Variants in ITGAE observed in about 807,000 individuals in gnomAD.
ITGAE encodes the protein integrin alpha-E.
Under a neutral mutation model 136.5 loss-of-function variants are expected in ITGAE, and 99 were observed. The observed-to-expected ratio is 0.73, with a 90% CI of 0.62 to 0.86. ITGAE has a LOEUF of 0.86. Ranked by LOEUF, ITGAE falls within the 40% of genes least tolerant of loss-of-function variation. The probability of loss-of-function intolerance (pLI) is 0.00; values close to 1 mark genes in which losing one functional copy is unlikely to be tolerated. For synonymous variants in ITGAE, 613 were observed against 591.8 expected, an observed-to-expected ratio of 1.04 and a Z score of -0.52; for missense variants, 1,447 against 1,515.3, an observed-to-expected ratio of 0.95 and a Z score of 0.75.
At chr17:3,787,242 G>A (rs1209729536) in intron 1 of ITGAE, among the ~76,000 whole-genome samples, 1 of 151,704 alleles carries the variant, frequency 6.6e-6, no homozygotes, top group Non-Finnish European at 1.5e-5. Flanking sequence ...CTCCCAAGTA[G>A]CTGGGATTAC....
chr17:3,749,199 C>T (rs1418724603), intron 16 of ITGAE, among the ~76,000 whole-genome samples: 3 of 148,174 alleles, frequency 2.0e-5, no homozygotes, highest in African/African-American at 7.5e-5. Flanking sequence ...GACAGAAAGC[C>T]TGAGGGCAGG....
rs1488696107 is a variant in ITGAE, at chr17:3,760,256, T to C, written c.630A>G (p.Ser210=). 2 of 1,613,692 alleles carry C rather than the reference T, an allele frequency of 1.2e-6. No homozygotes were observed. Among genetic ancestry groups the C allele is most frequent in the Admixed American group, 1.7e-5 (1 of 59,982 alleles). The change falls in exon 7 of 31, where the codon TCA becomes TCG. Residue 210 remains serine, a synonymous_variant. Transcript: ENST00000263087. ...GTEIAIILDG[S]GSIDPPDFQR... ...GAAAGTCTGGGGGATCAATGCTTCC[T>C]GAGCCATCCAGGATGATGGCAATCT... is the stretch of plus-strand genomic sequence containing the variant.
Position 3,759,793 on chromosome 17 carries a change from G to C in ITGAE, c.715-240C>G, listed in dbSNP as rs576793779. Reference sequence around the variant, plus strand: ...CCTGTGTAGTGCCCTCCATACTGACGATGGGATTGGTCATGTGACTGGCTT... The same window carrying C: ...CCTGTGTAGTGCCCTCCATACTGACCATGGGATTGGTCATGTGACTGGCTT... On this transcript the variant is annotated intron_variant, in intron 7 of 30. Transcript: ENST00000263087. Among the ~76,000 whole-genome samples, 5 of 152,274 alleles carry C rather than the reference G, an allele frequency of 3.3e-5. No individual in the cohort carries two copies. The East Asian group carries it at 9.7e-4, about 29-fold the overall frequency.
chr17:3,715,388 A>G (rs1459355806), intron 30 of ITGAE, among the ~76,000 whole-genome samples: 2 of 152,164 alleles, frequency 1.3e-5, no homozygotes, highest in Non-Finnish European at 2.9e-5. Flanking sequence ...GGGTTTCTAG[A>G]AGGGAGCTCA....
chr17:3,714,798 C>T lies in ITGAE; in HGVS notation c.*49G>A. 1 of 1,051,936 alleles carries T rather than the reference C, an allele frequency of 9.5e-7. No individual in the cohort carries two copies. Among genetic ancestry groups the T allele is most frequent in the Middle Eastern group, 2.0e-4 (1 of 4,960 alleles). The allele number at this position is 1,051,936 out of a possible 1,614,324, so 65.2% of individuals were successfully genotyped here. ...AAAAGTAATGCAAAGGATGCTGGGT[C>T]TCCAAGTCCCAGGACTGGCTGATAG... On this transcript the variant is annotated 3_prime_UTR_variant, in exon 31 of 31. Coordinates refer to ENST00000263087, the MANE Select transcript of ITGAE (RefSeq NM_002208.5).
chr17:3,724,869 G>C (rs771696710), intron 26 of ITGAE: 2 of 1,613,826 alleles, frequency 1.2e-6, no homozygotes, highest in Admixed American at 3.3e-5. Context: ...CGTCCGGAGA[G>C]AGCATCAGGA....
chr17:3,733,897 C>G (rs926330472), intron 21 of ITGAE, among the ~76,000 whole-genome samples: 1 of 152,186 alleles, frequency 6.6e-6, no homozygotes, highest in Non-Finnish European at 1.5e-5. Flanking sequence ...ACCCAGGGCC[C>G]GCTTCCTGGG....
chr17:3,729,038 T>C (rs2051281409), intron 24 of ITGAE, among the ~76,000 whole-genome samples: 1 of 117,484 alleles, frequency 8.5e-6, no homozygotes. Flanking sequence ...TTCGTCTCAG[T>C]TTAAAAAAAA....
intron 2 of ITGAE, among the ~76,000 whole-genome samples, chr17:3,768,952 G>T (rs535061431): frequency 1.3e-5 from 2 of 152,168 alleles, no homozygotes; most frequent in African/African-American, 2.4e-5. Flanking sequence ...GCTGAGGGGC[G>T]GAGGGCTGGG....
intron 1 of ITGAE, among the ~76,000 whole-genome samples, chr17:3,789,521 G>A (rs1454997435): frequency 2.7e-5 from 3 of 112,094 alleles, no homozygotes; most frequent in African/African-American, 6.8e-5. Flanking sequence ...TGTTTTTTGA[G>A]ATGGAGTCTC....
At chr17:3,772,184 G>C (rs1265160480) in intron 2 of ITGAE, among the ~76,000 whole-genome samples, 2 of 152,122 alleles carry the variant, frequency 1.3e-5, no homozygotes. Flanking sequence ...GCAAATCCTA[G>C]TAGACGCTGA....
In ITGAE at chr17:3,751,843, C is replaced by T. The variant is rs2051878863; in HGVS notation, c.1700G>A (p.Ser567Asn). The change falls in exon 15 of 31, where the codon AGT becomes AAT. Residue 567 changes from serine (S) to asparagine (N), a missense_variant. Transcript: ENST00000263087. Reference sequence around the variant, plus strand: ...GGCATTGGTGAACCCGGGGTGCCCACTCAGTATGCGTGCCAAGGAGAAAGA... The same window carrying T: ...GGCATTGGTGAACCCGGGGTGCCCATTCAGTATGCGTGCCAAGGAGAAAGA... ...DGSFSLARIL[S>N]GHPGFTNARF... The T allele has an allele frequency of 1.2e-6, 2 of 1,614,106 alleles. No individual in the cohort carries two copies. Among genetic ancestry groups the T allele is most frequent in the African/African-American group, 1.3e-5 (1 of 75,034 alleles).
At chr17:3,761,336 G>A in intron 5 of ITGAE, 67 bp downstream of exon 5, 3 of 1,547,934 alleles carry the variant, frequency 1.9e-6, no homozygotes, top group South Asian at 1.2e-5. Flanking sequence ...GTGAGCTGGT[G>A]CCTTTTCTTG....
intron 26 of ITGAE, chr17:3,724,986 C>G: frequency 6.2e-7 from 1 of 1,614,168 alleles, no homozygotes; most frequent in South Asian, 1.1e-5. Flanking sequence ...AACCTCTCTC[C>G]TCCATTCCCA....
intron 1 of ITGAE, among the ~76,000 whole-genome samples, chr17:3,783,786 G>A (rs1202360030): frequency 6.6e-6 from 1 of 152,170 alleles, no homozygotes; most frequent in Non-Finnish European, 1.5e-5. Context: ...GGAGATATAT[G>A]CACACAAATA....
rs2051760485 is a variant in ITGAE at position 3,748,034 on chromosome 17, G to A, written c.2043C>T (p.Arg681=). The A allele has an allele frequency of 6.2e-7, 1 of 1,612,148 alleles. No homozygotes were observed. Among genetic ancestry groups the A allele is most frequent in the Non-Finnish European group, 8.5e-7 (1 of 1,178,908 alleles). Residue 681 remains arginine, a synonymous_variant, in exon 17 of 31, where the codon CGC becomes CGT. Transcript: ENST00000263087. ...AVVFRSRPVV[R]LKVSMAFTPS... is the part of the protein sequence containing the mutation. ...GGGTGAAGGCCATGGAGACCTTCAG[G>A]CGAACCACAGGCCGGGAGCTAAACA...
chr17:3,727,311 T>A (rs1019759769), intron 26 of ITGAE, among the ~76,000 whole-genome samples: 3 of 151,990 alleles, frequency 2.0e-5, no homozygotes, highest in Non-Finnish European at 4.4e-5. Flanking sequence ...GTGTAAGAAA[T>A]GTCACATGTT....
intron 1 of ITGAE, among the ~76,000 whole-genome samples, chr17:3,795,916 C>CGT (rs758464284): frequency 8.9e-6 from 1 of 112,258 alleles, no homozygotes; most frequent in African/African-American, 3.8e-5. Context: ...TATGCGCATC[C>CGT]GTGTGTGTGC....
At position 3,727,937 on chromosome 17, in the gene ITGAE, C is replaced by T. The variant is rs750042506; in HGVS notation, c.3066G>A (p.Lys1022=). The T allele has an allele frequency of 1.9e-6, 3 of 1,613,140 alleles. No individual in the cohort carries two copies. The highest frequency in any genetic ancestry group is 8.5e-7 in the Non-Finnish European group (1 of 1,179,080). The change falls in exon 26 of 31, where the codon AAG becomes AAA. Residue 1022 remains lysine, a synonymous_variant. Coordinates refer to ENST00000263087, the MANE Select transcript of ITGAE (RefSeq NM_002208.5). ...TAAATACCTGAGTCCTCGTCAGCTT[C>T]TTCACTGCTACAACCTGGAGACCTC... is the stretch of plus-strand genomic sequence containing the variant. ...KLRGLQVVAV[K]KLTRTQASTV... is the part of the protein sequence containing the mutation.
Sources: allele counts gnomAD v4.1 joint callset (sites outside exome capture counted in the v4.1 genomes callset), GRCh38; gene constraint gnomAD v4.1.1; transcripts MANE v1.5; gene names NCBI Gene and HGNC (gene_info 2026-07-23, HGNC 2026-07-21).